PODXL2: variants seen among roughly 807,000 people sequenced by gnomAD.
PODXL2 encodes the protein podocalyxin like 2.
In PODXL2, 17 loss-of-function variants were observed where a neutral mutation model predicts 53.4. The observed-to-expected ratio is 0.32, with a 90% CI of 0.22 to 0.48. The LOEUF (loss-of-function observed/expected upper bound fraction) is 0.48, where lower values mean the gene tolerates loss of function less well. Ranked by LOEUF, PODXL2 falls within the 20% of genes least tolerant of loss-of-function variation. The pLI, the probability that PODXL2 is intolerant of heterozygous loss-of-function variation, is 0.99. For synonymous variants in PODXL2, 311 were observed against 306.7 expected, an observed-to-expected ratio of 1.01 and a Z score of -0.15; for missense variants, 673 against 760.0, an observed-to-expected ratio of 0.89 and a Z score of 1.35.
chr3:127,632,143 T>C (rs966971888), intron 1 of PODXL2, among the ~76,000 whole-genome samples: 4 of 152,136 alleles, frequency 2.6e-5, no homozygotes, highest in African/African-American at 9.7e-5. Context: ...CTAGAAAGTG[T>C]TTTATCCCCC....
chr3:127,653,311 C>T (rs2074700926), intron 2 of PODXL2, among the ~76,000 whole-genome samples: 1 of 152,194 alleles, frequency 6.6e-6, no homozygotes, highest in South Asian at 2.1e-4. Context: ...GTTTCTATTC[C>T]CCTCTTGACA....
intron 2 of PODXL2, among the ~76,000 whole-genome samples, chr3:127,659,882 T>C (rs896253250): frequency 1.3e-5 from 2 of 152,168 alleles, no homozygotes; most frequent in African/African-American, 4.8e-5. Flanking sequence ...TGAGGAACAA[T>C]GGTCATAATT....
chr3:127,656,040 C>T (rs1342666914), intron 2 of PODXL2, among the ~76,000 whole-genome samples: 2 of 152,232 alleles, frequency 1.3e-5, no homozygotes, highest in African/African-American at 4.8e-5. Flanking sequence ...CAAAAACACA[C>T]GTTGCTCTCC....
At chr3:127,640,187 G>T (rs1039479941) in intron 2 of PODXL2, among the ~76,000 whole-genome samples, 1 of 152,238 alleles carries the variant, frequency 6.6e-6, no homozygotes, top group Non-Finnish European at 1.5e-5. Context: ...ACAGATGCAG[G>T]CATGGCCCCT....
At chr3:127,668,398 C>A in intron 4 of PODXL2, 43 bp from the exon 5 acceptor site, 1 of 1,463,670 alleles carries the variant, frequency 6.8e-7, no homozygotes. Flanking sequence ...CAGTAGAGCC[C>A]CTTTCCTTCA....
At chr3:127,644,721 GC>G (rs1473777285) in intron 2 of PODXL2, among the ~76,000 whole-genome samples, 2 of 152,196 alleles carry the variant, frequency 1.3e-5, no homozygotes, top group Non-Finnish European at 2.9e-5. Flanking sequence ...ATAGGCCTTT[GC>G]CTCGATTGTC....
chr3:127,639,400 G>T lies in PODXL2; in HGVS notation c.226G>T (p.Ala76Ser). 1 of 1,614,252 alleles carries T rather than the reference G, an allele frequency of 6.2e-7. No homozygotes were observed. The highest frequency in any genetic ancestry group is 8.5e-7 in the Non-Finnish European group (1 of 1,180,036). Residue 76 changes from alanine (A) to serine (S), a missense_variant, in exon 2 of 8, where the codon GCC (alanine) becomes TCC (serine). Physicochemically the swap from Ala to Ser is moderately conservative, Grantham distance 99. Around this residue, in one of 3 missense-constraint regions of PODXL2, gnomAD observed 588 missense variants for 668.3 expected, o/e 0.88. Coordinates refer to ENST00000342480, the MANE Select transcript of PODXL2 (RefSeq NM_015720.4). The stretch of plus-strand genomic sequence containing the variant: ...CATGGGCCTGGGAGCTGGGCTGGGA[G>T]CCCCTGGCTCAGGCTTCCCCAGCGA... Reference protein sequence around the residue: ...ETMGLGAGLGAPGSGFPSEEN... With the variant: ...ETMGLGAGLGSPGSGFPSEEN...
chr3:127,642,203 T>G (rs866844005), intron 2 of PODXL2, among the ~76,000 whole-genome samples: 2 of 149,078 alleles, frequency 1.3e-5, no homozygotes, highest in Non-Finnish European at 3.0e-5. Context: ...GGCAGGAGAG[T>G]TGCTTGAACC....
At chr3:127,649,682 A>AT (rs756972147) in intron 2 of PODXL2, among the ~76,000 whole-genome samples, 5 of 152,244 alleles carry the variant, frequency 3.3e-5, no homozygotes, top group Non-Finnish European at 5.9e-5. Flanking sequence ...TACGCCTGTA[A>AT]TTCCAGCACT....
rs115526309 is a variant in PODXL2 at position 127,659,891 on chromosome 3, T to C, written c.350-487T>C. Among the ~76,000 whole-genome samples the C allele has an allele frequency of 4.5e-3, 692 of 152,288 alleles. 2 individuals are homozygous for C. Among genetic ancestry groups the C allele is most frequent in the Non-Finnish European group, 6.9e-3 (470 of 68,018 alleles). On this transcript the variant is annotated intron_variant, in intron 2 of 7. Transcript: ENST00000342480. The stretch of plus-strand genomic sequence containing the variant: ...CACAGTTGAGGAACAATGGTCATAA[T>C]TGAGGGGTCTCACTTCCTCCAGTGA...
chr3:127,637,317 T>C (rs1046523493), intron 1 of PODXL2, among the ~76,000 whole-genome samples: 1 of 152,246 alleles, frequency 6.6e-6, no homozygotes, highest in African/African-American at 2.4e-5. Context: ...CTGATATTCT[T>C]ATTCACATCA....
chr3:127,653,945 A>T (rs1352518959), intron 2 of PODXL2, among the ~76,000 whole-genome samples: 1 of 152,230 alleles, frequency 6.6e-6, no homozygotes, highest in South Asian at 2.1e-4. Flanking sequence ...GGAACAAAGC[A>T]TTCTCCTAAA....
chr3:127,640,235 G>A lies in PODXL2; in HGVS notation c.349+712G>A, dbSNP rs572949873. 4.6e-5 allele frequency among the ~76,000 whole-genome samples: 7 copies of A among 152,360 alleles called. No homozygotes were observed. The South Asian group carries it at 1.4e-3, about 32-fold the overall frequency. On this transcript the variant is annotated intron_variant, in intron 2 of 7. Coordinates refer to ENST00000342480, the MANE Select transcript of PODXL2 (RefSeq NM_015720.4). ...TGGGCCAGCAGGGCCCCATCTCTTAGTAGGGACTGAGGAATTGGTGTGATT... is the reference window on the plus strand; with the variant it reads ...TGGGCCAGCAGGGCCCCATCTCTTAATAGGGACTGAGGAATTGGTGTGATT...
intron 2 of PODXL2, among the ~76,000 whole-genome samples, chr3:127,639,783 T>C (rs1269076271): frequency 6.6e-6 from 1 of 152,208 alleles, no homozygotes; most frequent in African/African-American, 2.4e-5. Flanking sequence ...CTGATGCTTA[T>C]AACCTGAGAG....
intron 1 of PODXL2, among the ~76,000 whole-genome samples, chr3:127,631,673 CTAAT>C (rs765323853): frequency 8.5e-5 from 13 of 152,172 alleles, no homozygotes; most frequent in Non-Finnish European, 1.6e-4. Context: ...AAGTGCAAAA[CTAAT>C]TATACACAGA....
intron 2 of PODXL2, among the ~76,000 whole-genome samples, chr3:127,651,156 G>A (rs932548321): frequency 6.6e-5 from 10 of 152,142 alleles, no homozygotes; most frequent in African/African-American, 1.9e-4. Flanking sequence ...CCAGCTACTC[G>A]GGAGGCTGAG....
chr3:127,662,301 A>T lies in PODXL2; in HGVS notation c.1196A>T (p.Asn399Ile). The T allele has an allele frequency of 6.2e-7, 1 of 1,613,772 alleles. No homozygotes were observed. The change falls in exon 4 of 8, where the codon AAC becomes ATC. Residue 399 changes from asparagine (N) to isoleucine (I), a missense_variant. Asn to Ile is a moderately radical substitution (Grantham distance 149). Transcript: ENST00000342480. ...KNYIILNMTE[N>I]IDCEVFRQHR... ...TACATCATTCTGAACATGACAGAGA[A>T]CATAGACTGTGTGAGTGCCCAGCCA...
chr3:127,642,623 C>T (rs1468151737), intron 2 of PODXL2, among the ~76,000 whole-genome samples: 1 of 152,042 alleles, frequency 6.6e-6, no homozygotes, highest in African/African-American at 2.4e-5. Context: ...TTCTCTCTTT[C>T]CCTTGTCAGT....
At chr3:127,662,595 C>T (rs984594170) in intron 4 of PODXL2, among the ~76,000 whole-genome samples, 3 of 152,214 alleles carry the variant, frequency 2.0e-5, no homozygotes, top group African/African-American at 7.2e-5. Flanking sequence ...TGAAACCTTT[C>T]TGTCTTTTTT....
Sources: allele counts gnomAD v4.1 joint callset (sites outside exome capture counted in the v4.1 genomes callset), GRCh38; gene constraint gnomAD v4.1.1; regional missense constraint gnomAD v4.1.1; transcripts MANE v1.5; gene names NCBI Gene and HGNC (gene_info 2026-07-23, HGNC 2026-07-21).